The following PPP2R2B variants were observed in gnomAD, a reference collection of about 807,000 sequenced individuals.
The protein encoded by PPP2R2B is serine/threonine-protein phosphatase 2A 55 kDa regulatory subunit B beta isoform.
A neutral mutation model predicts 46.0 loss-of-function variants in PPP2R2B; 5 were observed. The ratio of observed to expected loss-of-function variants is 0.11; its 90% CI spans 0.06 to 0.23. The LOEUF is 0.23. Ranked by LOEUF, PPP2R2B falls within the 10% of genes least tolerant of loss-of-function variation. The probability of loss-of-function intolerance (pLI) is 1.00; values close to 1 mark genes in which losing one functional copy is unlikely to be tolerated. For missense variants in PPP2R2B, 367 were observed against 575.0 expected, an observed-to-expected ratio of 0.64 and a Z score of 3.70; for synonymous variants, 215 against 206.7, an observed-to-expected ratio of 1.04 and a Z score of -0.34.
chr5:146,904,657 C>T (rs1237809501), intron 1 of PPP2R2B, among the ~76,000 whole-genome samples: 5 of 152,126 alleles, frequency 3.3e-5, no homozygotes. Flanking sequence ...TGCTTGAAGT[C>T]CTGTAGCCTC....
chr5:146,601,825 C>T (rs1311626441), intron 7 of PPP2R2B, among the ~76,000 whole-genome samples: 1 of 152,090 alleles, frequency 6.6e-6, no homozygotes, highest in Non-Finnish European at 1.5e-5. Context: ...TACATTGAAC[C>T]CACAATGTCT....
intron 4 of PPP2R2B, among the ~76,000 whole-genome samples, chr5:146,693,117 C>T (rs752621474): frequency 4.0e-5 from 6 of 151,756 alleles, no homozygotes; most frequent in Non-Finnish European, 8.8e-5. Flanking sequence ...CCTCCCTTCC[C>T]TCTCTCCTTC....
At chr5:146,856,812 AAGAC>A (rs1760699219) in intron 2 of PPP2R2B, among the ~76,000 whole-genome samples, 1 of 152,172 alleles carries the variant, frequency 6.6e-6, no homozygotes, top group African/African-American at 2.4e-5. Context: ...CTCACTTGAG[AAGAC>A]AGACAGAGAG....
upstream of PPP2R2B, chr5:147,056,003 T>C (rs1011624785): frequency 8.4e-6 from 11 of 1,314,128 alleles, no homozygotes; most frequent in African/African-American, 1.6e-4. Flanking sequence ...CTTCATTGGC[T>C]GAAGCTCCTC....
intron 5 of PPP2R2B, among the ~76,000 whole-genome samples, chr5:146,684,083 G>T (rs1778343089): frequency 6.6e-6 from 1 of 152,136 alleles, no homozygotes; most frequent in Non-Finnish European, 1.5e-5. Flanking sequence ...TGTGAATATG[G>T]AATAGGCTTG....
chr5:147,009,134 C>T (rs560429225), intron 1 of PPP2R2B, among the ~76,000 whole-genome samples: 65 of 152,216 alleles, frequency 4.3e-4, no homozygotes, highest in African/African-American at 1.5e-3. Context: ...GATTGAAGAT[C>T]AAGAAAAACT....
upstream of PPP2R2B, among the ~76,000 whole-genome samples, chr5:147,057,912 G>A (rs560236263): frequency 3.9e-5 from 6 of 152,206 alleles, no homozygotes; most frequent in Non-Finnish European, 7.3e-5. Flanking sequence ...GATATGATAG[G>A]ATAGTTCATA....
At chr5:146,731,317 T>C (rs7446531) in intron 2 of PPP2R2B, among the ~76,000 whole-genome samples, 15,363 of 152,218 alleles carry the variant, frequency 0.1, 1,034 homozygotes, top group East Asian at 0.39. Context: ...GTACCTGATG[T>C]TTGCTGCAGC....
intron 1 of PPP2R2B, among the ~76,000 whole-genome samples, chr5:146,934,569 G>A (rs1297917601): frequency 1.6e-5 from 2 of 125,468 alleles, no homozygotes; most frequent in African/African-American, 6.1e-5. Flanking sequence ...GTTAGAAGAG[G>A]TAGTTTTTCA....
chr5:147,022,570 C>A (rs1324222830), intron 1 of PPP2R2B, among the ~76,000 whole-genome samples: 1 of 150,714 alleles, frequency 6.6e-6, no homozygotes, highest in Admixed American at 6.6e-5. Flanking sequence ...AAAAAAAAAT[C>A]CAAATTTAAT....
intron 1 of PPP2R2B, among the ~76,000 whole-genome samples, chr5:146,905,800 G>A (rs1762977898): frequency 6.6e-6 from 1 of 152,184 alleles, no homozygotes; most frequent in African/African-American, 2.4e-5. Context: ...AAACTATAGA[G>A]TCAAATGGCA....
intron 2 of PPP2R2B, among the ~76,000 whole-genome samples, chr5:146,871,922 TGGA>T (rs1433493306): frequency 6.6e-6 from 1 of 152,222 alleles, no homozygotes; most frequent in Admixed American, 6.5e-5. Flanking sequence ...GGGTTGTTGA[TGGA>T]GATTAAATGA....
At chr5:147,004,668 C>G (rs977423809) in intron 1 of PPP2R2B, among the ~76,000 whole-genome samples, 1 of 152,136 alleles carries the variant, frequency 6.6e-6, no homozygotes. Context: ...ATATGGAGAA[C>G]GAGTTACCCA....
rs563495973 is a variant in PPP2R2B, at chr5:146,752,933, G to A, written c.71-51791C>T. On this transcript the variant is annotated intron_variant, in intron 2 of 9. Coordinates refer to ENST00000394411, the MANE Select transcript of PPP2R2B (RefSeq NM_181675.4). ...GATCTGATCACTTCGGGGAACACAG[G>A]TGAAACTTCTCTGAGCTGAGATCCA... Among the ~76,000 whole-genome samples, 5 of 152,324 alleles carry A rather than the reference G, an allele frequency of 3.3e-5. No individual in the cohort carries two copies. In the South Asian group the frequency reaches 8.3e-4, roughly 25 times the overall value.
At chr5:146,775,211 C>G (rs189453279) in intron 2 of PPP2R2B, among the ~76,000 whole-genome samples, 1 of 152,126 alleles carries the variant, frequency 6.6e-6, no homozygotes, top group African/African-American at 2.4e-5. Flanking sequence ...TAAACTAACA[C>G]ATTTTATGAA....
At chr5:147,021,563 A>T (rs1169596411) in intron 1 of PPP2R2B, among the ~76,000 whole-genome samples, 2 of 152,322 alleles carry the variant, frequency 1.3e-5, no homozygotes, top group South Asian at 2.1e-4. Context: ...GAGAGCTTCC[A>T]TGTGAGATGT....
At chr5:146,809,528 G>A (rs1159445608) in intron 2 of PPP2R2B, among the ~76,000 whole-genome samples, 1 of 151,956 alleles carries the variant, frequency 6.6e-6, no homozygotes, top group Non-Finnish European at 1.5e-5. Flanking sequence ...AAGAAAGGAG[G>A]CCTTATTTAG....
chr5:147,081,299 G>C, exon 1 of PPP2R2B: 1 of 1,535,678 alleles, frequency 6.5e-7, no homozygotes, highest in Non-Finnish European at 8.7e-7. Context: ...TGAGTCCTGA[G>C]AGGACGGTCA....
At chr5:146,599,237 C>CACTT (rs568147409) in intron 8 of PPP2R2B, among the ~76,000 whole-genome samples, 10 of 152,256 alleles carry the variant, frequency 6.6e-5, no homozygotes, top group African/African-American at 2.4e-4. Flanking sequence ...ATCCACCCAA[C>CACTT]ACTTAAATCC....
Sources: allele counts gnomAD v4.1 joint callset (sites outside exome capture counted in the v4.1 genomes callset), GRCh38; gene constraint gnomAD v4.1.1; transcripts MANE v1.5; gene names NCBI Gene and HGNC (gene_info 2026-07-23, HGNC 2026-07-21).